The following FLT1 variants were observed in gnomAD, a reference collection of about 807,000 sequenced individuals.
FLT1 encodes the protein vascular endothelial growth factor receptor 1.
In FLT1, 49 loss-of-function variants were observed where a neutral mutation model predicts 156.3. The observed-to-expected ratio is 0.31, with a 90% CI of 0.25 to 0.40. The LOEUF (loss-of-function observed/expected upper bound fraction) is 0.40, where lower values mean the gene tolerates loss of function less well. Ranked by LOEUF, FLT1 falls within the 10% of genes least tolerant of loss-of-function variation. The pLI, the probability that FLT1 is intolerant of heterozygous loss-of-function variation, is 1.00. For missense variants in FLT1, 1,322 were observed against 1,637.2 expected, an observed-to-expected ratio of 0.81 and a Z score of 3.32; for synonymous variants, 594 against 583.8, an observed-to-expected ratio of 1.02 and a Z score of -0.25.
At chr13:28,412,665 C>G (rs1876368101) in intron 10 of FLT1, among the ~76,000 whole-genome samples, 1 of 151,574 alleles carries the variant, frequency 6.6e-6, no homozygotes, top group South Asian at 2.1e-4. Context: ...AAGTGATCCA[C>G]CCGCCTTGGC....
chr13:28,404,167 A>G (rs760583427), intron 11 of FLT1, among the ~76,000 whole-genome samples: 15 of 152,222 alleles, frequency 9.9e-5, no homozygotes, highest in Non-Finnish European at 1.5e-4. Context: ...ACTGTTTTAA[A>G]GTACTGCTTA....
At chr13:28,480,414 A>T (rs894726350) in intron 1 of FLT1, among the ~76,000 whole-genome samples, 3 of 152,244 alleles carry the variant, frequency 2.0e-5, no homozygotes, top group Admixed American at 6.5e-5. Context: ...ATGCATAAAA[A>T]TAATTTCTGC....
chr13:28,388,064 C>T, intron 13 of FLT1: 1 of 1,058,242 alleles, frequency 9.4e-7, no homozygotes, highest in Non-Finnish European at 1.1e-6. Flanking sequence ...TTAAGGCCCC[C>T]ATGTTCTATG....
chr13:28,486,434 A>G (rs1487027349), intron 1 of FLT1, among the ~76,000 whole-genome samples: 1 of 152,248 alleles, frequency 6.6e-6, no homozygotes, highest in Non-Finnish European at 1.5e-5. Context: ...GCAGATACGG[A>G]GGCCCGGATG....
rs1870485156 is a variant in FLT1 at position 28,300,841 on chromosome 13, G to T, written c.*2326C>A. The T allele has an allele frequency of 4.3e-6, 1 of 233,102 alleles. No individual in the cohort carries two copies. Among genetic ancestry groups the T allele is most frequent in the Non-Finnish European group, 8.5e-6 (1 of 118,038 alleles). 14.4% of individuals were successfully genotyped at this position (233,102 alleles called of 1,614,324 possible). On this transcript the variant is annotated 3_prime_UTR_variant, in exon 30 of 30. Coordinates refer to ENST00000282397, the MANE Select transcript of FLT1 (RefSeq NM_002019.4). ...ACCATTTTTGTCATAAATGGCAAATGATTGGAATATTATCAGTTAATTCAT... is the reference window on the plus strand; with the variant it reads ...ACCATTTTTGTCATAAATGGCAAATTATTGGAATATTATCAGTTAATTCAT...
chr13:28,476,658 T>A (rs1187985879), intron 1 of FLT1, among the ~76,000 whole-genome samples: 2 of 152,216 alleles, frequency 1.3e-5, no homozygotes, highest in Non-Finnish European at 2.9e-5. Context: ...AGATTCAATA[T>A]GTGAAGTCTC....
chr13:28,418,122 A>C lies in FLT1; in HGVS notation c.1436+9037T>G, dbSNP rs570333604. Among the ~76,000 whole-genome samples, 5 of 152,244 alleles carry C rather than the reference A, an allele frequency of 3.3e-5. No homozygotes were observed. The East Asian group carries it at 7.7e-4, about 24-fold the overall frequency. Reference sequence around the variant, plus strand: ...GAAAATCACAGAAAAGGACAATACGAATAGGGGAAAGTGCCACAATAAGCA... The same window carrying C: ...GAAAATCACAGAAAAGGACAATACGCATAGGGGAAAGTGCCACAATAAGCA... On this transcript the variant is annotated intron_variant, in intron 10 of 29. Coordinates refer to ENST00000282397, the MANE Select transcript of FLT1 (RefSeq NM_002019.4).
intron 4 of FLT1, among the ~76,000 whole-genome samples, chr13:28,435,697 C>T (rs1050019388): frequency 1.3e-5 from 2 of 152,174 alleles, no homozygotes; most frequent in African/African-American, 2.4e-5. Flanking sequence ...ATTTCTAGTC[C>T]AGAAGCCACT....
At chr13:28,358,211 A>G (rs1872975140) in intron 14 of FLT1, among the ~76,000 whole-genome samples, 2 of 152,214 alleles carry the variant, frequency 1.3e-5, no homozygotes, top group African/African-American at 4.8e-5. Flanking sequence ...ATGCAGTTTG[A>G]CTGAAAGCAC....
intron 8 of FLT1, among the ~76,000 whole-genome samples, chr13:28,429,159 T>A (rs2137542937): frequency 6.6e-6 from 1 of 152,276 alleles, no homozygotes; most frequent in Middle Eastern, 3.4e-3. Flanking sequence ...AAGATCATTT[T>A]TCTACTGCAA....
At chr13:28,375,442 T>C (rs1482392202) in intron 14 of FLT1, among the ~76,000 whole-genome samples, 2 of 152,276 alleles carry the variant, frequency 1.3e-5, no homozygotes, top group East Asian at 3.9e-4. Flanking sequence ...CTCTGTTGGC[T>C]GAGATGAGTG....
intron 28 of FLT1, among the ~76,000 whole-genome samples, chr13:28,308,622 C>T (rs960576702): frequency 6.6e-6 from 1 of 152,242 alleles, no homozygotes; most frequent in East Asian, 1.9e-4. Context: ...TCCTACCACG[C>T]AGGGACTTGG....
intron 14 of FLT1, chr13:28,368,601 ATGATGATGATGATGACAATGG>A (rs1012529851): frequency 2.5e-5 from 34 of 1,357,536 alleles, no homozygotes; most frequent in Non-Finnish European, 3.4e-5. Flanking sequence ...GATGATGACG[ATGATGATGATGATGACAATGG>A]TGATGATGAC....
Position 28,494,488 on chromosome 13 carries a change from G to T in FLT1, c.64+292C>A, listed in dbSNP as rs531408473. Among the ~76,000 whole-genome samples, 17 of 152,260 alleles carry T rather than the reference G, an allele frequency of 1.1e-4. 1 individual carries two copies. The highest frequency in any genetic ancestry group is 6.5e-4 in the Admixed American group (10 of 15,306). On this transcript the variant is annotated intron_variant, in intron 1 of 29. Transcript: ENST00000282397. Reference sequence around the variant, plus strand: ...GCAGTGAGACCCCAACCCGACAGCTGGATAAGGGATCAGCGATCCTGTCGC... The same window carrying T: ...GCAGTGAGACCCCAACCCGACAGCTTGATAAGGGATCAGCGATCCTGTCGC...
intron 10 of FLT1, among the ~76,000 whole-genome samples, chr13:28,413,376 C>A (rs1486864924): frequency 6.6e-6 from 1 of 150,564 alleles, no homozygotes; most frequent in African/African-American, 2.5e-5. Flanking sequence ...CCCTCCACCC[C>A]CCAAGCCAGA....
intron 16 of FLT1, among the ~76,000 whole-genome samples, chr13:28,341,920 T>C (rs1004459212): frequency 7.2e-5 from 11 of 152,212 alleles, no homozygotes; most frequent in Non-Finnish European, 1.0e-4. Context: ...CTCACTCTTG[T>C]CGCCTAGGCT....
chr13:28,473,718 GAAAGAAAGA>G (rs1566050192), intron 1 of FLT1, among the ~76,000 whole-genome samples: 2 of 80,954 alleles, frequency 2.5e-5, no homozygotes, highest in East Asian at 5.3e-4. Context: ...AAGAAAGAAA[GAAAGAAAGA>G]AAGAAGGAAG....
intron 4 of FLT1, among the ~76,000 whole-genome samples, chr13:28,437,866 G>C (rs1473762832): frequency 1.3e-5 from 2 of 152,214 alleles, no homozygotes; most frequent in Non-Finnish European, 2.9e-5. Flanking sequence ...CTTCTCTGCA[G>C]TAATCTGGAT....
intron 10 of FLT1, among the ~76,000 whole-genome samples, chr13:28,424,470 C>A (rs1220676269): frequency 6.6e-6 from 1 of 151,998 alleles, no homozygotes. Context: ...TAAAGGGTGA[C>A]ATTTTCAGTT....
Sources: gnomAD v4.1 joint callset for allele counts (sites outside exome capture counted in the v4.1 genomes callset) on GRCh38, gnomAD v4.1.1 for gene constraint, MANE v1.5 for transcripts, NCBI Gene and HGNC (gene_info 2026-07-23, HGNC 2026-07-21) for gene names.